The following GRAMD2B variants were observed in gnomAD, a reference collection of about 807,000 sequenced individuals.
GRAMD2B encodes the protein GRAM domain-containing protein 2B.
GRAMD2B carries 41 observed loss-of-function variants against 59.2 expected under a neutral mutation model. The ratio of observed to expected loss-of-function variants is 0.69; its 90% CI spans 0.54 to 0.90. GRAMD2B has a LOEUF of 0.90. GRAMD2B is among the 40% of genes least tolerant of loss of function. The pLI is 0.00. For missense variants in GRAMD2B, 424 were observed against 500.5 expected (o/e 0.85, Z 1.46); for synonymous variants, 161 against 182.7 (o/e 0.88, Z 0.96).
intron 12 of GRAMD2B, among the ~76,000 whole-genome samples, chr5:126,487,249 A>G (rs1773114941): frequency 6.6e-6 from 1 of 152,210 alleles, no homozygotes; most frequent in African/African-American, 2.4e-5. Flanking sequence ...GCTAAGATGC[A>G]GTTGTGACCT....
chr5:126,479,712 T>C (rs1218136117), intron 6 of GRAMD2B, among the ~76,000 whole-genome samples: 1 of 152,322 alleles, frequency 6.6e-6, no homozygotes, highest in East Asian at 1.9e-4. Context: ...TCGGAAATAA[T>C]TCAAGTTCCC....
intron 1 of GRAMD2B, among the ~76,000 whole-genome samples, chr5:126,389,419 T>C (rs1235317921): frequency 6.6e-6 from 1 of 152,212 alleles, no homozygotes; most frequent in South Asian, 2.1e-4. Context: ...ACCTTGCTTC[T>C]AGATCACCTC....
chr5:126,432,563 A>G (rs1052852512), intron 1 of GRAMD2B, among the ~76,000 whole-genome samples: 4 of 152,198 alleles, frequency 2.6e-5, no homozygotes, highest in Non-Finnish European at 4.4e-5. Context: ...TTATCACTAC[A>G]TTGTTTCTAT....
chr5:126,491,229 T>G (rs1773869951), intron 13 of GRAMD2B, among the ~76,000 whole-genome samples: 1 of 152,170 alleles, frequency 6.6e-6, no homozygotes, highest in Non-Finnish European at 1.5e-5. Flanking sequence ...TTTTATTCCT[T>G]TTTCTACCTC....
At chr5:126,399,504 C>G (rs2149736783) in intron 1 of GRAMD2B, among the ~76,000 whole-genome samples, 1 of 152,242 alleles carries the variant, frequency 6.6e-6, no homozygotes, top group South Asian at 2.1e-4. Flanking sequence ...CCCTTTTGCT[C>G]TCTCCTCCCA....
intron 12 of GRAMD2B, 85 bp from the exon 13 acceptor site, chr5:126,488,714 C>T (rs1773406134): frequency 2.2e-6 from 2 of 910,906 alleles, no homozygotes; most frequent in Non-Finnish European, 1.7e-6. Flanking sequence ...AACCAATTTT[C>T]TGTTCAAATA....
intron 3 of GRAMD2B, among the ~76,000 whole-genome samples, chr5:126,471,077 G>A (rs1769484298): frequency 6.6e-6 from 1 of 152,142 alleles, no homozygotes; most frequent in Non-Finnish European, 1.5e-5. Flanking sequence ...TAGTTGACTT[G>A]CAGGGACCAT....
Position 126,465,410 on chromosome 5 carries a change from TTCC to T in GRAMD2B, c.84-14_84-12del. The T allele has an allele frequency of 1.2e-6, 2 of 1,614,020 alleles. No individual in the cohort carries two copies. Among genetic ancestry groups the T allele is most frequent in the Non-Finnish European group, 8.5e-7 (1 of 1,180,000 alleles). On this transcript the variant is annotated splice_polypyrimidine_tract_variant and intron_variant, in intron 1 of 13. Coordinates refer to ENST00000285689, the MANE Select transcript of GRAMD2B (RefSeq NM_023927.4). ...CTCTGAATGTCTAAAGTGAAGCGGT[TTCC>T]TTTCTTCTTCAGCTCAGAGGCTGAG...
intron 1 of GRAMD2B, among the ~76,000 whole-genome samples, chr5:126,450,613 T>G (rs4836261): frequency 0.71 from 100,321 of 141,892 alleles, 34,741 homozygotes; most frequent in African/African-American, 0.77. Context: ...TCCTAGAAGA[T>G]AACCTCTAAA....
intron 1 of GRAMD2B, among the ~76,000 whole-genome samples, chr5:126,364,562 G>A (rs954565547): frequency 3.3e-5 from 5 of 152,208 alleles, no homozygotes; most frequent in African/African-American, 1.2e-4. Context: ...TCACAACAGG[G>A]AGGAATTCTA....
intron 13 of GRAMD2B, 27 bp downstream of exon 13, chr5:126,488,919 G>C: frequency 3.9e-6 from 6 of 1,549,514 alleles, no homozygotes; most frequent in Non-Finnish European, 5.3e-6. Flanking sequence ...CTGTGTATGG[G>C]GGCAGTCACA....
intron 1 of GRAMD2B, among the ~76,000 whole-genome samples, chr5:126,365,122 T>C (rs1436568458): frequency 6.6e-6 from 1 of 152,240 alleles, no homozygotes; most frequent in Non-Finnish European, 1.5e-5. Flanking sequence ...ATATTTTTCT[T>C]CTTTATATTT....
At chr5:126,398,675 TAAGGTATA>T (rs1043388594) in intron 1 of GRAMD2B, among the ~76,000 whole-genome samples, 9 of 152,228 alleles carry the variant, frequency 5.9e-5, no homozygotes, top group Non-Finnish European at 1.0e-4. Flanking sequence ...TCTAGTTTCT[TAAGGTATA>T]AAGTTAGATT....
chr5:126,486,818 A>T, intron 11 of GRAMD2B, 55 bp from the exon 12 acceptor site: 1 of 1,083,248 alleles, frequency 9.2e-7, no homozygotes, highest in Non-Finnish European at 1.4e-6. Flanking sequence ...TTGTTTTATG[A>T]ACATCAGATC....
chr5:126,444,150 A>G (rs1763786940), intron 1 of GRAMD2B, among the ~76,000 whole-genome samples: 1 of 152,106 alleles, frequency 6.6e-6, no homozygotes, highest in Non-Finnish European at 1.5e-5. Flanking sequence ...GATTATTCCA[A>G]GAAAAAAACA....
intron 1 of GRAMD2B, among the ~76,000 whole-genome samples, chr5:126,428,942 G>A (rs537992009): frequency 6.6e-6 from 1 of 152,256 alleles, no homozygotes; most frequent in Admixed American, 6.5e-5. Context: ...GTTGCTGGGG[G>A]TGTAAATTAG....
chr5:126,453,939 A>G lies in GRAMD2B; in HGVS notation c.84-11487A>G, dbSNP rs778510709. ...TGTATTGCAAATAGATGTCTAGGCA[A>G]TAAGTATTAATTGCATAATTTCTTA... is the stretch of plus-strand genomic sequence containing the variant. On this transcript the variant is annotated intron_variant, in intron 1 of 13. Coordinates refer to ENST00000285689, the MANE Select transcript of GRAMD2B (RefSeq NM_023927.4). Among the ~76,000 whole-genome samples the G allele has an allele frequency of 2.6e-5, 4 of 152,258 alleles. 1 individual carries two copies. Among genetic ancestry groups the G allele is most frequent in the African/African-American group, 4.8e-5 (2 of 41,462 alleles).
chr5:126,417,391 G>A lies in GRAMD2B; in HGVS notation c.125+45824G>A, dbSNP rs559812075. ...CTGTAAGGCAGCCAAAGCTAGCCAC[G>A]TGGAGCACTGCACAGACACTGAAAT... On this transcript the variant is annotated intron_variant, in intron 1 of 8. Transcript: ENST00000506445. Among the ~76,000 whole-genome samples, 9 of 152,332 alleles carry A rather than the reference G, an allele frequency of 5.9e-5. No homozygotes were observed. The East Asian group carries it at 7.7e-4, about 13-fold the overall frequency.
intron 1 of GRAMD2B, among the ~76,000 whole-genome samples, chr5:126,382,283 T>C (rs567868680): frequency 6.6e-6 from 1 of 152,330 alleles, no homozygotes; most frequent in South Asian, 2.1e-4. Flanking sequence ...CTCAAATATG[T>C]TTTCCAAACT....
Sources: gnomAD v4.1 joint callset for allele counts (sites outside exome capture counted in the v4.1 genomes callset) on GRCh38, gnomAD v4.1.1 for gene constraint, MANE v1.5 for transcripts, NCBI Gene and HGNC (gene_info 2026-07-23, HGNC 2026-07-21) for gene names.